VIM: variants seen among roughly 807,000 people sequenced by gnomAD.
The protein encoded by VIM is vimentin.
A neutral mutation model predicts 50.3 loss-of-function variants in VIM; 18 were observed. The observed-to-expected ratio is 0.36, with a 90% CI of 0.25 to 0.53. The LOEUF is 0.53. Among genes scored for constraint, VIM ranks in the 20% least tolerant of loss-of-function variants. VIM has a pLI of 0.91. For missense variants in VIM, 551 were observed against 614.7 expected (o/e 0.90, Z 1.10); for synonymous variants, 245 against 248.5 (o/e 0.99, Z 0.13).
rs775940720 is a variant in VIM, at chr10:17,235,165, GC to G, written c.1009-3del. 6 of 1,614,178 alleles carry G rather than the reference GC, an allele frequency of 3.7e-6. No homozygotes were observed. In the East Asian group the frequency reaches 1.3e-4, roughly 36 times the overall value. On this transcript the variant is annotated splice_region_variant and splice_polypyrimidine_tract_variant and intron_variant, in intron 6 of 9. Transcript: ENST00000544301. ...ACACCAGACATCTTTCTCACCCCCT[GC>G]AGAATGAGTCCCTGGAACGCCAGAT...
intron 3 of VIM, among the ~76,000 whole-genome samples, chr10:17,232,126 G>A (rs1846809509): frequency 6.6e-6 from 1 of 152,136 alleles, no homozygotes; most frequent in Non-Finnish European, 1.5e-5. Flanking sequence ...TCTCTTCAAT[G>A]TGATAGAATA....
chr10:17,236,038 A>C (rs551726046), intron 8 of VIM, 149 bp downstream of exon 8: 2 of 844,046 alleles, frequency 2.4e-6, no homozygotes, highest in Non-Finnish European at 3.8e-6. Flanking sequence ...ACCCAAGTAC[A>C]CTCTTGCATT....
intron 2 of VIM, chr10:17,230,295 C>T (rs976513388): frequency 2.0e-4 from 115 of 572,086 alleles, no homozygotes; most frequent in Non-Finnish European, 2.0e-4. Context: ...GAGAGCCAGT[C>T]CTCCAAACTT....
rs1049341 is a variant in VIM at position 17,237,563 on chromosome 10, G to T, written c.*292G>T. ...TTCCAGCAAGTATCCAACCAACTTG[G>T]TTCTGCTTCAATAAATCTTTGGAAA... On this transcript the variant is annotated 3_prime_UTR_variant, in exon 10 of 10. Coordinates refer to ENST00000544301, the MANE Select transcript of VIM (RefSeq NM_003380.5). The T allele has an allele frequency of 0.14, 46,667 of 329,654 alleles. 7,943 individuals are homozygous for T. The highest frequency in any genetic ancestry group is 0.51 in the African/African-American group (23,848 of 46,872). 20.4% of individuals were successfully genotyped at this position (329,654 alleles called of 1,614,324 possible). A position where few individuals can be genotyped will look rare whatever the true frequency, so the allele number is the denominator to read the frequency against.
intron 7 of VIM, 113 bp downstream of exon 7, chr10:17,235,502 C>A: frequency 2.6e-6 from 3 of 1,148,886 alleles, no homozygotes; most frequent in Non-Finnish European, 2.5e-6. Context: ...TTTGAGGTAA[C>A]TGCTTTCCAC....
chr10:17,231,680 C>T (rs1846801726), intron 3 of VIM, among the ~76,000 whole-genome samples: 1 of 151,942 alleles, frequency 6.6e-6, no homozygotes, highest in South Asian at 2.1e-4. Flanking sequence ...TGATTGGGTT[C>T]TTGTGTTCTT....
In VIM at chr10:17,229,377, G is replaced by C. The variant is rs768955645; in HGVS notation, c.-46G>C. 1.3e-6 allele frequency: 2 copies of C among 1,556,242 alleles called. 1 individual carries two copies. The highest frequency in any genetic ancestry group is 1.7e-6 in the Non-Finnish European group (2 of 1,156,990). ...TCGTTCGCCTCTTCTCCGGGAGCCA[G>C]TCCGCGCCACCGCCGCCGCCCAGGC... On this transcript the variant is annotated 5_prime_UTR_variant, in exon 2 of 10. Coordinates refer to ENST00000544301, the MANE Select transcript of VIM (RefSeq NM_003380.5).
chr10:17,237,252 A>C lies in VIM; in HGVS notation c.1382A>C (p.His461Pro), dbSNP rs777412987. 7 of 1,606,564 alleles carry C rather than the reference A, an allele frequency of 4.4e-6. No homozygotes were observed. Among genetic ancestry groups the C allele is most frequent in the Non-Finnish European group, 6.0e-6 (7 of 1,175,522 alleles). The change falls in exon 10 of 10, where the codon CAT becomes CCT. Residue 461 changes from histidine (H) to proline (P), a missense_variant. This residue lies in a region of VIM where 394 missense variants were observed against 437.5 expected (regional missense o/e 0.90). Transcript: ENST00000544301. Reference protein sequence around the residue: ...DGQVINETSQHHDDLE With the variant: ...DGQVINETSQPHDDLE ...CAGGTTATCAACGAAACTTCTCAGC[A>C]TCACGATGACCTTGAATAAAAATTG... is the stretch of plus-strand genomic sequence containing the variant.
chr10:17,230,609 G>A, intron 2 of VIM, 41 bp from the exon 3 acceptor site: 2 of 1,612,280 alleles, frequency 1.2e-6, no homozygotes, highest in East Asian at 2.2e-5. Flanking sequence ...CGCCCCTGGC[G>A]GTTTCCTCGT....
At position 17,234,677 on chromosome 10, in the gene VIM, G is replaced by A. The variant is rs1846856289; in HGVS notation, c.883-16G>A. The A allele has an allele frequency of 6.2e-7, 1 of 1,613,276 alleles. No homozygotes were observed. The highest frequency in any genetic ancestry group is 1.3e-5 in the African/African-American group (1 of 74,834). ...TTGAATGTGAGCAATCTACATTTCT[G>A]TTTTCTTCCCAACAGTTTGCTGACC... is the stretch of plus-strand genomic sequence containing the variant. On this transcript the variant is annotated splice_polypyrimidine_tract_variant and intron_variant, in intron 5 of 9. Transcript: ENST00000544301.
intron 1 of VIM, chr10:17,228,747 C>G (rs944848038): frequency 6.5e-6 from 1 of 152,690 alleles, no homozygotes; most frequent in Admixed American, 6.5e-5. Flanking sequence ...GAGGCTGCGG[C>G]GAGGCCTGAG....
At position 17,233,498 on chromosome 10, in the gene VIM, G is replaced by A. The variant is rs991806772; in HGVS notation, c.625-89G>A. 6.1e-6 allele frequency: 8 copies of A among 1,317,616 alleles called. No individual in the cohort carries two copies. In the African/African-American group the frequency reaches 8.8e-5, roughly 14 times the overall value. 81.6% of individuals were successfully genotyped at this position (1,317,616 alleles called of 1,614,324 possible). On this transcript the variant is annotated intron_variant, in intron 3 of 9. Transcript: ENST00000544301. ...CGGCTTTTCTATAGTAAGGAGACTA[G>A]GTTCAGATGGTTAATCTAAGACAAA...
At position 17,230,785 on chromosome 10, in the gene VIM, T is replaced by C. The variant is rs549082642; in HGVS notation, c.624+75T>C. The C allele has an allele frequency of 1.6e-5, 25 of 1,574,908 alleles. No homozygotes were observed. The African/African-American group carries it at 2.0e-4, about 13-fold the overall frequency. On this transcript the variant is annotated intron_variant, in intron 3 of 9. Coordinates refer to ENST00000544301, the MANE Select transcript of VIM (RefSeq NM_003380.5). ...ACCCACGAGCAATTCTAAAAGTTGCTTAACTCACGTCTAAAAAGTGCAAAA... is the reference window on the plus strand; with the variant it reads ...ACCCACGAGCAATTCTAAAAGTTGCCTAACTCACGTCTAAAAAGTGCAAAA...
intron 3 of VIM, 21 bp downstream of exon 3, chr10:17,230,731 C>T: frequency 6.2e-7 from 1 of 1,614,064 alleles, no homozygotes; most frequent in South Asian, 1.1e-5. Context: ...TCTCTTCCCA[C>T]TCGCAGCCGC....
chr10:17,235,037 A>G, intron 6 of VIM, 132 bp from the exon 7 acceptor site: 1 of 1,204,232 alleles, frequency 8.3e-7, no homozygotes, highest in Non-Finnish European at 1.2e-6. Context: ...TGGTACTCGC[A>G]TTCTCCACCT....
At chr10:17,229,157 AC>A (rs977698750) in intron 1 of VIM, 118 bp from the exon 2 acceptor site, 2 of 154,248 alleles carry the variant, frequency 1.3e-5, no homozygotes, top group African/African-American at 9.2e-5. Context: ...CCACCCGCCC[AC>A]CCTCCCCGCT....
intron 2 of VIM, chr10:17,230,398 T>A (rs1846766420): frequency 6.9e-6 from 4 of 583,248 alleles, no homozygotes; most frequent in Non-Finnish European, 1.2e-5. Context: ...GACAAAGGGA[T>A]GGTCCCTCGG....
chr10:17,235,232 T>A lies in VIM; in HGVS notation c.1072T>A (p.Tyr358Asn). ...GAACTTTGCCGTTGAAGCTGCTAACTACCAAGACACTATTGGCCGCCTGCA... is the reference window on the plus strand; with the variant it reads ...GAACTTTGCCGTTGAAGCTGCTAACAACCAAGACACTATTGGCCGCCTGCA... ...EENFAVEAAN[Y>N]QDTIGRLQDE... The change falls in exon 7 of 10, where the codon TAC becomes AAC. Residue 358 changes from tyrosine to asparagine, a missense_variant. Transcript: ENST00000544301. 6.2e-7 allele frequency: 1 copy of A among 1,614,234 alleles called. No homozygotes were observed.
Position 17,235,211 on chromosome 10 carries a change from T to G in VIM, c.1051T>G (p.Phe351Val), listed in dbSNP as rs200740172. Residue 351 changes from phenylalanine (F) to valine (V), a missense_variant, in exon 7 of 10, where the codon TTT becomes GTT. Phe to Val is a conservative substitution (Grantham distance 50). Around this residue, in one of 3 missense-constraint regions of VIM, gnomAD observed 394 missense variants for 437.5 expected, o/e 0.90. Coordinates refer to ENST00000544301, the MANE Select transcript of VIM (RefSeq NM_003380.5). ...CCAGATGCGTGAAATGGAAGAGAACTTTGCCGTTGAAGCTGCTAACTACCA... is the reference window on the plus strand; with the variant it reads ...CCAGATGCGTGAAATGGAAGAGAACGTTGCCGTTGAAGCTGCTAACTACCA... ...ERQMREMEEN[F>V]AVEAANYQDT... The G allele has an allele frequency of 5.4e-5, 87 of 1,614,088 alleles. No homozygotes were observed. Among genetic ancestry groups the G allele is most frequent in the Non-Finnish European group, 6.5e-5 (77 of 1,180,050 alleles).
Sources: gnomAD v4.1 joint callset for allele counts (sites outside exome capture counted in the v4.1 genomes callset) on GRCh38, gnomAD v4.1.1 for gene constraint, gnomAD v4.1.1 regional missense constraint, MANE v1.5 for transcripts, NCBI Gene and HGNC (gene_info 2026-07-23, HGNC 2026-07-21) for gene names.